Variants in TSHZ2 observed in about 807,000 individuals in gnomAD.
TSHZ2 encodes the protein teashirt homolog 2.
In TSHZ2, 21 loss-of-function variants were observed where a neutral mutation model predicts 74.4. That is an observed-to-expected ratio of 0.28 (90% CI 0.20 to 0.41). The LOEUF (loss-of-function observed/expected upper bound fraction) is 0.41. TSHZ2 is among the 10% of genes least tolerant of loss of function. The pLI is 1.00. For synonymous variants in TSHZ2, 540 were observed against 515.3 expected, an observed-to-expected ratio of 1.05 and a Z score of -0.65; for missense variants, 1,244 against 1,293.5, an observed-to-expected ratio of 0.96 and a Z score of 0.59.
At chr20:52,988,968 A>G (rs1037345143) in intron 1 of TSHZ2, among the ~76,000 whole-genome samples, 5 of 152,100 alleles carry the variant, frequency 3.3e-5, no homozygotes, top group African/African-American at 7.2e-5. Context: ...GCAAATGAAA[A>G]TCTGCCCTCA....
At chr20:53,466,253 A>G (rs1421167434) in intron 2 of TSHZ2, among the ~76,000 whole-genome samples, 1 of 151,498 alleles carries the variant, frequency 6.6e-6, no homozygotes, top group Non-Finnish European at 1.5e-5. Context: ...GCCTCGAAAA[A>G]TAAAAATAAA....
intron 2 of TSHZ2, among the ~76,000 whole-genome samples, chr20:53,388,594 T>C (rs1006489280): frequency 7.4e-6 from 1 of 134,444 alleles, no homozygotes; most frequent in African/African-American, 3.0e-5. Context: ...TTTTTCTTTC[T>C]TTTTTTTTTT....
chr20:53,188,165 A>G (rs1310618360), intron 1 of TSHZ2, among the ~76,000 whole-genome samples: 1 of 152,160 alleles, frequency 6.6e-6, no homozygotes, highest in Non-Finnish European at 1.5e-5. Context: ...CACAATTCCA[A>G]TGCGACTTTG....
At chr20:53,480,127 G>A (rs76903246) in intron 2 of TSHZ2, among the ~76,000 whole-genome samples, 73 of 148,600 alleles carry the variant, frequency 4.9e-4, no homozygotes, top group African/African-American at 1.7e-3. Context: ...AGAGTGCAAC[G>A]ATGTGATCTC....
chr20:53,487,946 C>T lies in TSHZ2; in HGVS notation c.*811C>T, dbSNP rs1172449189. 1 of 152,184 alleles carries T rather than the reference C, an allele frequency of 6.6e-6. No homozygotes were observed. The highest frequency in any genetic ancestry group is 2.4e-5 in the African/African-American group (1 of 41,440). 9.4% of individuals were successfully genotyped at this position (152,184 alleles called of 1,614,324 possible). A position where few individuals can be genotyped will look rare whatever the true frequency, so the allele number is the denominator to read the frequency against. ...AAGCACACACCACTGTCTATGAGAA[C>T]TGCAAATTGGGAGAATAGGTGAAAT... is the stretch of plus-strand genomic sequence containing the variant. On this transcript the variant is annotated 3_prime_UTR_variant, in exon 3 of 3. Transcript: ENST00000371497.
chr20:53,415,080 GAT>G (rs1337333724), intron 2 of TSHZ2, among the ~76,000 whole-genome samples: 1 of 152,208 alleles, frequency 6.6e-6, no homozygotes, highest in Non-Finnish European at 1.5e-5. Flanking sequence ...AGCGAATCAA[GAT>G]AGTCACTATT....
At chr20:53,313,476 G>T (rs996450072) in intron 2 of TSHZ2, among the ~76,000 whole-genome samples, 1 of 152,202 alleles carries the variant, frequency 6.6e-6, no homozygotes, top group Non-Finnish European at 1.5e-5. Context: ...AGCATAAAAG[G>T]AGTTGTTTGA....
chr20:53,196,205 G>T (rs1032453093), intron 1 of TSHZ2: 3 of 152,140 alleles, frequency 2.0e-5, no homozygotes, highest in Admixed American at 2.0e-4. Flanking sequence ...AAGTTGTTCA[G>T]CTCATGGAAC....
intron 2 of TSHZ2, among the ~76,000 whole-genome samples, chr20:53,368,020 C>T (rs1432811484): frequency 1.3e-5 from 2 of 152,098 alleles, no homozygotes; most frequent in African/African-American, 2.4e-5. Flanking sequence ...TTATACGTGA[C>T]GTAGCGCCGA....
chr20:53,100,072 T>C (rs1986173644), intron 1 of TSHZ2, among the ~76,000 whole-genome samples: 1 of 152,152 alleles, frequency 6.6e-6, no homozygotes, highest in African/African-American at 2.4e-5. Context: ...TTGGTGGTGA[T>C]TCAGTGGCTA....
intron 1 of TSHZ2, among the ~76,000 whole-genome samples, chr20:53,227,503 G>A (rs889188083): frequency 6.7e-6 from 1 of 148,320 alleles, no homozygotes; most frequent in Admixed American, 6.7e-5. Flanking sequence ...CACACACAGA[G>A]TAATACCTGT....
rs527520085 is a variant in TSHZ2 at position 53,475,099 on chromosome 20, C to T, written c.*9-12045C>T. The stretch of plus-strand genomic sequence containing the variant: ...CCACTGTCAACATTAGACAGATCAA[C>T]GAGACAGAAAGTCAGCAAGGATACC... On this transcript the variant is annotated intron_variant, in intron 2 of 2. Coordinates refer to ENST00000371497, the MANE Select transcript of TSHZ2 (RefSeq NM_173485.6). Among the ~76,000 whole-genome samples, 34 of 139,812 alleles carry T rather than the reference C, an allele frequency of 2.4e-4. 6 individuals are homozygous for T. The South Asian group carries it at 3.3e-3, about 14-fold the overall frequency. 91.7% of individuals were successfully genotyped at this position (139,812 alleles called of 152,430 possible). A position where few individuals can be genotyped will look rare whatever the true frequency, so the allele number is the denominator to read the frequency against.
chr20:53,481,296 G>A (rs566598364), intron 2 of TSHZ2, among the ~76,000 whole-genome samples: 1 of 152,210 alleles, frequency 6.6e-6, no homozygotes, highest in East Asian at 1.9e-4. Flanking sequence ...ATTTGGCTAG[G>A]CACGGTGCCT....
chr20:53,096,390 G>A (rs1043887338), intron 1 of TSHZ2, among the ~76,000 whole-genome samples: 2 of 152,048 alleles, frequency 1.3e-5, no homozygotes, highest in East Asian at 1.9e-4. Context: ...TGATCCACTC[G>A]CCTAAGCCTC....
chr20:53,294,299 A>T (rs1568856115), intron 2 of TSHZ2, among the ~76,000 whole-genome samples: 1 of 152,200 alleles, frequency 6.6e-6, no homozygotes, highest in South Asian at 2.1e-4. Flanking sequence ...ACGTTTGCTA[A>T]ATGGCTTGAT....
intron 1 of TSHZ2, among the ~76,000 whole-genome samples, chr20:53,141,202 C>A (rs183613826): frequency 7.7e-4 from 117 of 152,290 alleles, no homozygotes; most frequent in African/African-American, 2.6e-3. Context: ...AGCTCCTGAG[C>A]AGACAGCAAA....
intron 1 of TSHZ2, among the ~76,000 whole-genome samples, chr20:53,122,232 G>A (rs1329846719): frequency 6.7e-6 from 1 of 149,752 alleles, no homozygotes; most frequent in African/African-American, 2.5e-5. Flanking sequence ...AGGATGTGGT[G>A]AGCCAAGATC....
chr20:53,397,778 A>G (rs1280165865), intron 2 of TSHZ2: 1 of 152,274 alleles, frequency 6.6e-6, no homozygotes, highest in East Asian at 1.9e-4. Flanking sequence ...CATATACACC[A>G]TGGAATACTA....
chr20:53,493,847 C>G lies in TSHZ2; in HGVS notation c.*6712C>G, dbSNP rs561298863. 1 of 152,304 alleles carries G rather than the reference C, an allele frequency of 6.6e-6. No individual in the cohort carries two copies. The highest frequency in any genetic ancestry group is 2.1e-4 in the South Asian group (1 of 4,822). 9.4% of individuals were successfully genotyped at this position (152,304 alleles called of 1,614,324 possible). ...TTTCTCTGGGATCTGGAAAATTCTT[C>G]CCTTGGCTGACCCCAATTTCTTTTA... On this transcript the variant is annotated 3_prime_UTR_variant, in exon 3 of 3. Transcript: ENST00000371497.
Sources: allele counts gnomAD v4.1 joint callset (sites outside exome capture counted in the v4.1 genomes callset), GRCh38; gene constraint gnomAD v4.1.1; transcripts MANE v1.5; gene names NCBI Gene and HGNC (gene_info 2026-07-23, HGNC 2026-07-21).